Variants in IL18R1 observed in about 807,000 individuals in gnomAD.
IL18R1 encodes the protein interleukin-18 receptor 1.
Under a neutral mutation model 48.5 loss-of-function variants are expected in IL18R1, and 40 were observed. The observed-to-expected ratio is 0.82, with a 90% CI of 0.64 to 1.07. The LOEUF (loss-of-function observed/expected upper bound fraction) is 1.07, where lower values mean the gene tolerates loss of function less well. Among genes scored for constraint, IL18R1 ranks in the 50% least tolerant of loss-of-function variants. The pLI, the probability that IL18R1 is intolerant of heterozygous loss-of-function variation, is 0.00. For missense variants in IL18R1, 596 were observed against 633.7 expected (o/e 0.94, Z 0.64); for synonymous variants, 232 against 225.9 (o/e 1.03, Z -0.24).
intron 5 of IL18R1, 34 bp downstream of exon 5, chr2:102,376,097 C>G: frequency 6.7e-6 from 10 of 1,500,702 alleles, no homozygotes; most frequent in Non-Finnish European, 8.9e-6. Flanking sequence ...AAGAAACAGA[C>G]GTATTTTAGT....
intron 5 of IL18R1, among the ~76,000 whole-genome samples, chr2:102,377,373 C>T (rs962576680): frequency 4.6e-5 from 7 of 152,118 alleles, no homozygotes; most frequent in African/African-American, 9.7e-5. Context: ...AGTGCAGTGG[C>T]GCAGCCTTGG....
In IL18R1 at chr2:102,356,312, T is replaced by C; in HGVS notation, c.-117T>C. The stretch of plus-strand genomic sequence containing the variant: ...GAGGCGGAGATCGCTGCTTCTCACC[T>C]ACTTTCTGAACTTGGCCTCCGCAGT... On this transcript the variant is annotated 5_prime_UTR_variant, in exon 1 of 11. Coordinates refer to ENST00000233957, the MANE Select transcript of IL18R1 (RefSeq NM_003855.5). 1 of 984,100 alleles carries C rather than the reference T, an allele frequency of 1.0e-6. No individual in the cohort carries two copies. Among genetic ancestry groups the C allele is most frequent in the African/African-American group, 1.8e-5 (1 of 57,058 alleles). The allele number at this position is 984,100 out of a possible 1,614,324, so 61.0% of individuals were successfully genotyped here.
intron 3 of IL18R1, among the ~76,000 whole-genome samples, chr2:102,369,316 T>C (rs369707145): frequency 1.3e-5 from 2 of 152,320 alleles, no homozygotes; most frequent in African/African-American, 4.8e-5. Context: ...CACTTGGAGA[T>C]AACAGAAGCA....
chr2:102,360,680 G>T (rs1233015722), intron 1 of IL18R1, among the ~76,000 whole-genome samples: 1 of 152,112 alleles, frequency 6.6e-6, no homozygotes, highest in African/African-American at 2.4e-5. Context: ...CCTACATTGA[G>T]TGTAAATTGC....
In IL18R1 at chr2:102,383,767, A is replaced by C. The variant is rs117882222; in HGVS notation, c.689-1111A>C. ...TCTGTATATTTAAAATTACTGTTAC[A>C]GTTGCTATATCATATATGCATGATA... On this transcript the variant is annotated intron_variant, in intron 6 of 10. Coordinates refer to ENST00000233957, the MANE Select transcript of IL18R1 (RefSeq NM_003855.5). Among the ~76,000 whole-genome samples, 99 of 152,240 alleles carry C rather than the reference A, an allele frequency of 6.5e-4. 2 individuals are homozygous for C. In the East Asian group the frequency reaches 0.018, roughly 27 times the overall value.
chr2:102,362,753 T>C lies in IL18R1; in HGVS notation c.58+35T>C, dbSNP rs764842513. Reference sequence around the variant, plus strand: ...TATACATACTCTCAAACATATTTCATGAGTAATTGAGGAAGAATGTCAAAG... The same window carrying C: ...TATACATACTCTCAAACATATTTCACGAGTAATTGAGGAAGAATGTCAAAG... On this transcript the variant is annotated intron_variant, in intron 2 of 10. Coordinates refer to ENST00000233957, the MANE Select transcript of IL18R1 (RefSeq NM_003855.5). 21 of 1,315,118 alleles carry C rather than the reference T, an allele frequency of 1.6e-5. No homozygotes were observed. In the Admixed American group the frequency reaches 4.7e-4, roughly 30 times the overall value. The allele number at this position is 1,315,118 out of a possible 1,614,324, so 81.5% of individuals were successfully genotyped here.
intron 7 of IL18R1, 148 bp from the exon 8 acceptor site, chr2:102,386,713 T>C: frequency 2.6e-6 from 2 of 780,336 alleles, no homozygotes; most frequent in Non-Finnish European, 2.1e-6. Context: ...GGACGTTTAT[T>C]GTAGTCCATG....
chr2:102,386,911 T>A lies in IL18R1; in HGVS notation c.860T>A (p.Ile287Asn). The stretch of plus-strand genomic sequence containing the variant: ...TCAAAAGTATTGAGAATTGAAAATA[T>A]TGGTGAAAGCAATCTAAATGTTTTA... Reference protein sequence around the residue: ...HASKVLRIENIGESNLNVLYN... With the variant: ...HASKVLRIENNGESNLNVLYN... Residue 287 changes from isoleucine (I) to asparagine (N), a missense_variant, in exon 8 of 11, where the codon ATT (isoleucine) becomes AAT (asparagine). Around this residue, in one of 3 missense-constraint regions of IL18R1, gnomAD observed 360 missense variants for 339.4 expected, o/e 1.06. Transcript: ENST00000233957. 1 of 1,614,154 alleles carries A rather than the reference T, an allele frequency of 6.2e-7. No homozygotes were observed. The highest frequency in any genetic ancestry group is 8.5e-7 in the Non-Finnish European group (1 of 1,180,000).
chr2:102,396,287 A>C (rs966620416), intron 10 of IL18R1, among the ~76,000 whole-genome samples: 7 of 152,140 alleles, frequency 4.6e-5, no homozygotes, highest in African/African-American at 1.7e-4. Flanking sequence ...TAAATGAGTT[A>C]ATATACAAAA....
intron 8 of IL18R1, among the ~76,000 whole-genome samples, chr2:102,389,302 C>A (rs920927693): frequency 1.3e-5 from 2 of 152,160 alleles, no homozygotes; most frequent in African/African-American, 4.8e-5. Context: ...AGGAAATATT[C>A]TATCATGTTA....
chr2:102,374,496 C>T (rs1178990132), intron 4 of IL18R1, among the ~76,000 whole-genome samples: 3 of 151,960 alleles, frequency 2.0e-5, no homozygotes, highest in Admixed American at 6.6e-5. Context: ...TAAGAAATTC[C>T]GTTCGGGTGC....
Position 102,371,986 on chromosome 2 carries a change from C to G in IL18R1, c.336C>G (p.Ile112Met). 1 of 1,569,582 alleles carries G rather than the reference C, an allele frequency of 6.4e-7. No homozygotes were observed. The highest frequency in any genetic ancestry group is 8.7e-7 in the Non-Finnish European group (1 of 1,149,950). The change falls in exon 4 of 11, where the codon ATC (isoleucine) becomes ATG (methionine). Residue 112 changes from isoleucine (I) to methionine (M), a missense_variant. Transcript: ENST00000233957. ...CTCAGAAATGGAAATTAAATGTCATCAGAAGAAATAAACACAGCTGTTTCA... is the reference window on the plus strand; with the variant it reads ...CTCAGAAATGGAAATTAAATGTCATGAGAAGAAATAAACACAGCTGTTTCA... ...NYTQKWKLNV[I>M]RRNKHSCFTE...
chr2:102,381,260 G>A (rs7556917), intron 5 of IL18R1, among the ~76,000 whole-genome samples: 340 of 151,830 alleles, frequency 2.2e-3, no homozygotes, highest in African/African-American at 8.0e-3. Flanking sequence ...TCCATCACTG[G>A]CCAGCTGAGG....
chr2:102,381,021 G>A (rs1573214351), intron 5 of IL18R1, among the ~76,000 whole-genome samples: 2 of 152,198 alleles, frequency 1.3e-5, no homozygotes, highest in East Asian at 3.8e-4. Context: ...TGGGGACTGA[G>A]GGGGCAGAAT....
intron 10 of IL18R1, among the ~76,000 whole-genome samples, chr2:102,395,563 T>C (rs969198572): frequency 4.6e-5 from 7 of 152,176 alleles, no homozygotes; most frequent in African/African-American, 1.7e-4. Context: ...ATATGCCAGA[T>C]TATCAGATGC....
chr2:102,380,360 G>T (rs1474919654), intron 5 of IL18R1, among the ~76,000 whole-genome samples: 1 of 152,068 alleles, frequency 6.6e-6, no homozygotes, highest in African/African-American at 2.4e-5. Flanking sequence ...GTAAGTTTCT[G>T]GGGGAAAAAA....
At chr2:102,388,689 T>C (rs939078529) in intron 8 of IL18R1, among the ~76,000 whole-genome samples, 44 of 152,260 alleles carry the variant, frequency 2.9e-4, no homozygotes, top group Non-Finnish European at 7.4e-5. Context: ...CAACCCACCA[T>C]CACCCCGTGC....
chr2:102,356,604 T>C (rs1678265298), intron 1 of IL18R1, among the ~76,000 whole-genome samples: 1 of 152,234 alleles, frequency 6.6e-6, no homozygotes, highest in South Asian at 2.1e-4. Context: ...ACATCCCCAA[T>C]TATTTTCTGG....
Position 102,362,676 on chromosome 2 carries a change from T to TTACCCTTGACCCC in IL18R1, c.28_29insCTACCCTTGACCC (p.Leu10ProfsTer27). The stretch of plus-strand genomic sequence containing the variant: ...AATCCAAACCATGAATTGTAGAGAA[T>TTACCCTTGACCCC]TACCCTTGACCCTTTGGGTGCTTAT... On this transcript the variant is annotated frameshift_variant, in exon 2 of 11. Coordinates refer to ENST00000233957, the MANE Select transcript of IL18R1 (RefSeq NM_003855.5). LOFTEE classifies it high-confidence loss of function. 6.2e-7 allele frequency: 1 copy of TTACCCTTGACCCC among 1,607,656 alleles called. No individual in the cohort carries two copies. The highest frequency in any genetic ancestry group is 8.5e-7 in the Non-Finnish European group (1 of 1,177,712).
Sources: gnomAD v4.1 joint callset for allele counts (sites outside exome capture counted in the v4.1 genomes callset) on GRCh38, gnomAD v4.1.1 for gene constraint, gnomAD v4.1.1 regional missense constraint, MANE v1.5 for transcripts, NCBI Gene and HGNC (gene_info 2026-07-23, HGNC 2026-07-21) for gene names.